Variants in PRIM2 observed in about 807,000 individuals in gnomAD.
PRIM2 encodes the protein DNA primase large subunit.
PRIM2 carries 39 observed loss-of-function variants against 67.3 expected under a neutral mutation model. The observed-to-expected ratio is 0.58, with a 90% CI of 0.45 to 0.76. The LOEUF (loss-of-function observed/expected upper bound fraction) is 0.76, where lower values mean the gene tolerates loss of function less well. Ranked by LOEUF, PRIM2 falls within the 30% of genes least tolerant of loss-of-function variation. The pLI is 0.00. For missense variants in PRIM2, 398 were observed against 598.7 expected (o/e 0.66, Z 3.50); for synonymous variants, 143 against 198.7 (o/e 0.72, Z 2.36).
At chr6:57,447,091 A>G (rs1772392766) in intron 7 of PRIM2, among the ~76,000 whole-genome samples, 1 of 152,254 alleles carries the variant, frequency 6.6e-6, no homozygotes, top group African/African-American at 2.4e-5. Context: ...CAGTGCCACC[A>G]GGCAATTGCT....
chr6:57,442,968 A>G (rs1188621664), intron 7 of PRIM2, among the ~76,000 whole-genome samples: 1 of 152,110 alleles, frequency 6.6e-6, no homozygotes, highest in Admixed American at 6.5e-5. Context: ...ACTACCTTCT[A>G]TTCTCTGCTT....
At chr6:57,580,117 G>A (rs1430536360) in intron 10 of PRIM2, among the ~76,000 whole-genome samples, 1 of 152,170 alleles carries the variant, frequency 6.6e-6, no homozygotes, top group Non-Finnish European at 1.5e-5. Context: ...GCTGGGTGCA[G>A]TGGCTCATGC....
chr6:57,627,191 A>C (rs1291092296), intron 12 of PRIM2, among the ~76,000 whole-genome samples: 4 of 140,936 alleles, frequency 2.8e-5, no homozygotes, highest in Admixed American at 7.5e-5. Flanking sequence ...GAGGCAGGAG[A>C]ATCACTTGAA....
intron 6 of PRIM2, among the ~76,000 whole-genome samples, chr6:57,380,550 C>T (rs1373487419): frequency 6.6e-6 from 1 of 152,178 alleles, no homozygotes; most frequent in Admixed American, 6.5e-5. Flanking sequence ...ATAACTACGT[C>T]ACATGAACCC....
At chr6:57,584,698 C>T (rs1264506855) in intron 10 of PRIM2, among the ~76,000 whole-genome samples, 1 of 152,082 alleles carries the variant, frequency 6.6e-6, no homozygotes, top group Non-Finnish European at 1.5e-5. Context: ...AACACCTTTT[C>T]AGGGGAACTC....
the PRIM2 span, among the ~76,000 whole-genome samples, chr6:57,269,770 C>A: frequency 6.6e-6 from 1 of 152,124 alleles, no homozygotes; most frequent in African/African-American, 2.4e-5. Context: ...TTAGGTCTAA[C>A]ATGTAAGTCT....
At chr6:57,362,686 T>C (rs529941423) in intron 5 of PRIM2, among the ~76,000 whole-genome samples, 10 of 152,276 alleles carry the variant, frequency 6.6e-5, no homozygotes, top group Admixed American at 6.5e-4. Flanking sequence ...TTCCTTTTTT[T>C]TTTTGGAAAA....
the PRIM2 span, among the ~76,000 whole-genome samples, chr6:57,252,680 G>T: frequency 6.6e-6 from 1 of 152,172 alleles, no homozygotes; most frequent in Non-Finnish European, 1.5e-5. Flanking sequence ...ACCTCAGGTG[G>T]GCTGCCTGCC....
the PRIM2 span, among the ~76,000 whole-genome samples, chr6:57,251,351 C>G: frequency 1.3e-5 from 2 of 152,196 alleles, no homozygotes; most frequent in African/African-American, 4.8e-5. Context: ...TCCCAAATCT[C>G]AGTGGCCTAC....
chr6:57,318,572 GA>G lies in PRIM2; in HGVS notation c.131del (p.Asn44ThrfsTer10). 1 of 1,575,284 alleles carries G rather than the reference GA, an allele frequency of 6.3e-7. No individual in the cohort carries two copies. Among genetic ancestry groups the G allele is most frequent in the Non-Finnish European group, 8.6e-7 (1 of 1,158,854 alleles). ...PSENISLIEF[E>X]NLAIDRVKLL... ...TGAAAACATATCTTTAATAGAATTTGAAAACTTGGCTATTGATAGAGTTAAA... is the reference window on the plus strand; with the variant it reads ...TGAAAACATATCTTTAATAGAATTTGAAACTTGGCTATTGATAGAGTTAAA... On this transcript the variant is annotated frameshift_variant, in exon 2 of 14. Transcript: ENST00000615550. LOFTEE classifies it high-confidence loss of function.
chr6:57,602,662 G>A (rs1361379084), intron 11 of PRIM2, among the ~76,000 whole-genome samples: 2 of 152,080 alleles, frequency 1.3e-5, no homozygotes, highest in African/African-American at 4.8e-5. Context: ...CTCTTAATTA[G>A]TTGGTTTTCA....
At chr6:57,340,791 G>A (rs998710676) in intron 5 of PRIM2, among the ~76,000 whole-genome samples, 5 of 152,036 alleles carry the variant, frequency 3.3e-5, no homozygotes, top group African/African-American at 1.2e-4. Context: ...CACCAGCATG[G>A]CACATGTATA....
chr6:57,367,062 A>T (rs1183787448), intron 5 of PRIM2, among the ~76,000 whole-genome samples: 1 of 152,142 alleles, frequency 6.6e-6, no homozygotes, highest in African/African-American at 2.4e-5. Flanking sequence ...AACAGTAATA[A>T]AGTAACCAGA....
chr6:57,368,581 G>A (rs1011748714), intron 5 of PRIM2, among the ~76,000 whole-genome samples: 6 of 152,110 alleles, frequency 3.9e-5, no homozygotes, highest in Non-Finnish European at 8.8e-5. Context: ...TGATCATTTG[G>A]GAATGTGGGA....
At chr6:57,505,425 C>T (rs1774230113) in intron 7 of PRIM2, 1 of 152,124 alleles carries the variant, frequency 6.6e-6, no homozygotes, top group South Asian at 2.1e-4. Flanking sequence ...ACCTGATGTG[C>T]TGTCATTGTG....
At chr6:57,409,918 A>G (rs1384367413) in intron 7 of PRIM2, among the ~76,000 whole-genome samples, 1 of 152,190 alleles carries the variant, frequency 6.6e-6, no homozygotes, top group African/African-American at 2.4e-5. Flanking sequence ...TTGAAATTTT[A>G]TAGTTTTAGC....
chr6:57,421,087 C>G (rs1194676834), intron 7 of PRIM2, among the ~76,000 whole-genome samples: 1 of 152,112 alleles, frequency 6.6e-6, no homozygotes, highest in Non-Finnish European at 1.5e-5. Context: ...GATGGAAGAG[C>G]ACTCAGAGAA....
Position 57,601,162 on chromosome 6 carries a change from C to G in PRIM2, c.1090C>G (p.Pro364Ala). The G allele has an allele frequency of 1.2e-6, 2 of 1,612,578 alleles. No individual in the cohort carries two copies. The highest frequency in any genetic ancestry group is 1.7e-5 in the Admixed American group (1 of 59,954). Residue 364 changes from proline to alanine, a missense_variant, in exon 11 of 14, where the codon CCT (proline) becomes GCT (alanine). Pro to Ala is a conservative substitution (Grantham distance 27). Transcript: ENST00000615550. ...GGAAGGCAAGAGGACAGACTATACA[C>G]CTTTCAGTTGCCTGAAGATTATTCT... is the stretch of plus-strand genomic sequence containing the variant. ...GKEGKRTDYT[P>A]FSCLKIILSN... is the part of the protein sequence containing the mutation.
intron 5 of PRIM2, among the ~76,000 whole-genome samples, chr6:57,372,596 C>T (rs1352870454): frequency 1.3e-5 from 2 of 152,128 alleles, no homozygotes; most frequent in Non-Finnish European, 2.9e-5. Flanking sequence ...CTGATGCGCT[C>T]CCTCCTCTCA....
Sources: allele counts gnomAD v4.1 joint callset (sites outside exome capture counted in the v4.1 genomes callset), GRCh38; gene constraint gnomAD v4.1.1; transcripts MANE v1.5; gene names NCBI Gene and HGNC (gene_info 2026-07-23, HGNC 2026-07-21).